The following VPS13D variants were observed in gnomAD, a reference collection of about 807,000 sequenced individuals.
VPS13D encodes intermembrane lipid transfer protein VPS13D.
VPS13D carries 187 observed loss-of-function variants against 461.9 expected under a neutral mutation model. That is an observed-to-expected ratio of 0.40 (90% CI 0.36 to 0.46). VPS13D has a LOEUF of 0.46. Ranked by LOEUF, VPS13D falls within the 20% of genes least tolerant of loss-of-function variation. The pLI is 0.60. For missense variants in VPS13D, 4,711 were observed against 5,364.9 expected, an observed-to-expected ratio of 0.88 and a Z score of 3.81; for synonymous variants, 1,951 against 1,986.3, an observed-to-expected ratio of 0.98 and a Z score of 0.47.
chr1:12,286,088 CCTT>C (rs1217310027), intron 21 of VPS13D, among the ~76,000 whole-genome samples: 1 of 145,738 alleles, frequency 6.9e-6, no homozygotes, highest in Non-Finnish European at 1.5e-5. Context: ...TCCTTTCTTT[CCTT>C]CTTTTCGAAG....
intron 14 of VPS13D, 84 bp downstream of exon 14, chr1:12,267,095 C>A: frequency 7.4e-7 from 1 of 1,359,176 alleles, no homozygotes; most frequent in Non-Finnish European, 9.7e-7. Context: ...CTGATTCATT[C>A]TGACATTTGA....
chr1:12,367,714 C>T (rs1644057533), intron 52 of VPS13D: 1 of 152,070 alleles, frequency 6.6e-6, no homozygotes, highest in African/African-American at 2.4e-5. Flanking sequence ...TCACACCATT[C>T]TCCTGCTTCA....
At chr1:12,404,102 C>A in intron 63 of VPS13D, 129 bp downstream of exon 63, 1 of 621,978 alleles carries the variant, frequency 1.6e-6, no homozygotes, top group Non-Finnish European at 2.4e-6. Flanking sequence ...TCATTCATAG[C>A]AGACATTTTA....
chr1:12,295,501 T>C (rs1486219948), intron 24 of VPS13D, among the ~76,000 whole-genome samples: 2 of 152,162 alleles, frequency 1.3e-5, no homozygotes, highest in Non-Finnish European at 2.9e-5. Context: ...TTAAAAAATA[T>C]ACAAGTAGCA....
At chr1:12,321,495 T>A (rs1169172558) in intron 32 of VPS13D, among the ~76,000 whole-genome samples, 4 of 152,212 alleles carry the variant, frequency 2.6e-5, no homozygotes, top group African/African-American at 9.6e-5. Flanking sequence ...TTTTAACTAT[T>A]AAATAATGGT....
intron 40 of VPS13D, among the ~76,000 whole-genome samples, chr1:12,340,057 G>A (rs1443393052): frequency 6.6e-6 from 1 of 152,174 alleles, no homozygotes; most frequent in African/African-American, 2.4e-5. Context: ...ATAGAAGAGG[G>A]AGGTGCCTTT....
intron 60 of VPS13D, among the ~76,000 whole-genome samples, chr1:12,393,618 G>T (rs557462867): frequency 4.3e-4 from 65 of 152,190 alleles, no homozygotes; most frequent in Non-Finnish European, 8.5e-4. Flanking sequence ...AGGATGTGGT[G>T]GGAATCACCA....
chr1:12,423,936 A>C (rs116478532), intron 65 of VPS13D, among the ~76,000 whole-genome samples: 2,030 of 152,334 alleles, frequency 0.013, 21 homozygotes, highest in Middle Eastern at 0.031. Context: ...GAATGCACTG[A>C]GTGAGTCCCT....
intron 13 of VPS13D, among the ~76,000 whole-genome samples, chr1:12,263,679 A>G (rs1244586251): frequency 6.6e-6 from 1 of 152,216 alleles, no homozygotes; most frequent in African/African-American, 2.4e-5. Context: ...GAGATTCCTG[A>G]GTGGCTGAAG....
At chr1:12,384,860 A>G (rs1644330406) in intron 58 of VPS13D, among the ~76,000 whole-genome samples, 1 of 152,094 alleles carries the variant, frequency 6.6e-6, no homozygotes, top group South Asian at 2.1e-4. Flanking sequence ...GGATCAAGCG[A>G]TCTTCCCACC....
chr1:12,310,506 A>G (rs1218816860), intron 27 of VPS13D, among the ~76,000 whole-genome samples: 2 of 152,040 alleles, frequency 1.3e-5, no homozygotes, highest in Admixed American at 1.3e-4. Flanking sequence ...CCCCCTCTTC[A>G]ACTTTACTTC....
At chr1:12,412,775 C>T (rs1401331022) in intron 63 of VPS13D, among the ~76,000 whole-genome samples, 1 of 152,040 alleles carries the variant, frequency 6.6e-6, no homozygotes, top group Non-Finnish European at 1.5e-5. Context: ...AAAGCTCTTA[C>T]CATATAAGAA....
At chr1:12,484,446 C>T (rs1183017179) in intron 67 of VPS13D, among the ~76,000 whole-genome samples, 1 of 152,208 alleles carries the variant, frequency 6.6e-6, no homozygotes, top group Non-Finnish European at 1.5e-5. Flanking sequence ...GTGATGGACT[C>T]AGAGTACCTA....
intron 65 of VPS13D, among the ~76,000 whole-genome samples, chr1:12,437,466 T>C (rs1645076604): frequency 6.6e-6 from 1 of 152,200 alleles, no homozygotes; most frequent in Non-Finnish European, 1.5e-5. Context: ...TTTGGGAAAC[T>C]ATCTGACCCC....
At chr1:12,409,593 A>G (rs1170325413) in intron 63 of VPS13D, among the ~76,000 whole-genome samples, 1 of 152,222 alleles carries the variant, frequency 6.6e-6, no homozygotes, top group Non-Finnish European at 1.5e-5. Flanking sequence ...CAAGTGAATC[A>G]GAGATTTACT....
In VPS13D at chr1:12,314,229, G is replaced by T. The variant is rs796264651; in HGVS notation, c.7050G>T (p.Lys2350Asn). ...TTGACACCCGTTATGCTGGGCAGAAGACCAGCCCTGGCATGACGAATGTGT... is the reference window on the plus strand; with the variant it reads ...TTGACACCCGTTATGCTGGGCAGAATACCAGCCCTGGCATGACGAATGTGT... ...MAFDTRYAGQKTSPGMTNVFS... is the reference protein window; with the variant it reads ...MAFDTRYAGQNTSPGMTNVFS... Residue 2350 changes from lysine to asparagine, a missense_variant, in exon 30 of 70, where the codon AAG (lysine) becomes AAT (asparagine). By Grantham distance (94) the Lys-to-Asn change is moderately conservative (BLOSUM62 0). Coordinates refer to ENST00000620676, the MANE Select transcript of VPS13D (RefSeq NM_015378.4). 3.1e-6 allele frequency: 5 copies of T among 1,614,164 alleles called. No individual in the cohort carries two copies. In the African/African-American group the frequency reaches 5.3e-5, roughly 17 times the overall value.
At chr1:12,284,487 A>G (rs1456288316) in intron 21 of VPS13D, among the ~76,000 whole-genome samples, 1 of 152,222 alleles carries the variant, frequency 6.6e-6, no homozygotes, top group African/African-American at 2.4e-5. Context: ...ACCATAAAAA[A>G]GACAGCATTT....
In VPS13D at chr1:12,293,579, C is replaced by T. The variant is rs754172380; in HGVS notation, c.5908C>T (p.Arg1970Trp). 9 of 1,614,024 alleles carry T rather than the reference C, an allele frequency of 5.6e-6. No individual in the cohort carries two copies. Among genetic ancestry groups the T allele is most frequent in the South Asian group, 2.2e-5 (2 of 91,068 alleles). The change falls in exon 24 of 70, where the codon CGG becomes TGG. Residue 1970 changes from arginine to tryptophan, a missense_variant. This residue lies in a region of VPS13D where 4,411 missense variants were observed against 4,937.8 expected (regional missense o/e 0.89). Coordinates refer to ENST00000620676, the MANE Select transcript of VPS13D (RefSeq NM_015378.4). ...RREHDIRVSL[R>W]MASVQYVHTQ... ...AGAACACGACATTCGCGTGAGCCTC[C>T]GGATGGCCTCTGTGCAGTATGTGCA...
At chr1:12,311,750 G>T (rs17037975) in intron 28 of VPS13D, 63 bp from the exon 29 acceptor site, 1 of 1,587,076 alleles carries the variant, frequency 6.3e-7, no homozygotes, top group Non-Finnish European at 8.6e-7. Flanking sequence ...ATTTCTTGGC[G>T]TATGAGCCTG....
Sources: allele counts gnomAD v4.1 joint callset (sites outside exome capture counted in the v4.1 genomes callset), GRCh38; gene constraint gnomAD v4.1.1; regional missense constraint gnomAD v4.1.1; transcripts MANE v1.5; gene names NCBI Gene and HGNC (gene_info 2026-07-23, HGNC 2026-07-21).